PCDHA1: variants seen among roughly 807,000 people sequenced by gnomAD.
PCDHA1 encodes the protein protocadherin alpha 1.
PCDHA1 carries 42 observed loss-of-function variants against 61.3 expected under a neutral mutation model. That is an observed-to-expected ratio of 0.69 (90% CI 0.54 to 0.89). PCDHA1 has a LOEUF of 0.89. Among genes scored for constraint, PCDHA1 ranks in the 40% least tolerant of loss-of-function variants. PCDHA1 has a pLI of 0.00. For synonymous variants in PCDHA1, 610 were observed against 553.8 expected, an observed-to-expected ratio of 1.10 and a Z score of -1.43; for missense variants, 1,256 against 1,235.3, an observed-to-expected ratio of 1.02 and a Z score of -0.25.
chr5:140,992,576 G>T (rs992150186), intron 3 of PCDHA1, among the ~76,000 whole-genome samples: 4 of 152,172 alleles, frequency 2.6e-5, no homozygotes, highest in Admixed American at 2.0e-4. Flanking sequence ...CATATTGCCT[G>T]CCTTGTATGC....
intron 1 of PCDHA1, among the ~76,000 whole-genome samples, chr5:140,790,084 A>G (rs141899789): frequency 5.1e-4 from 78 of 152,358 alleles, no homozygotes; most frequent in Middle Eastern, 3.4e-3. Context: ...TGAAAAAATA[A>G]CAATAAAAGG....
At chr5:140,993,877 C>T (rs1457877493) in intron 3 of PCDHA1, among the ~76,000 whole-genome samples, 4 of 152,150 alleles carry the variant, frequency 2.6e-5, no homozygotes, top group South Asian at 2.1e-4. Context: ...TGTGTAAGTA[C>T]GCTCTATGAT....
At chr5:140,862,744 C>T in intron 1 of PCDHA1, 1 of 577,744 alleles carries the variant, frequency 1.7e-6, no homozygotes, top group South Asian at 1.4e-5. Flanking sequence ...TGTGTGGGTG[C>T]ACGCGGAGAG....
intron 1 of PCDHA1, among the ~76,000 whole-genome samples, chr5:140,915,001 AGT>A (rs1563002922): frequency 6.9e-6 from 1 of 144,988 alleles, no homozygotes; most frequent in Non-Finnish European, 1.5e-5. Flanking sequence ...GCTGGAGTGC[AGT>A]GGCCTGATCT....
intron 1 of PCDHA1, among the ~76,000 whole-genome samples, chr5:140,903,212 A>G (rs1387552422): frequency 6.6e-6 from 1 of 152,192 alleles, no homozygotes; most frequent in African/African-American, 2.4e-5. Context: ...CACCACATTC[A>G]TGCCAACATC....
intron 1 of PCDHA1, among the ~76,000 whole-genome samples, chr5:140,936,918 T>C (rs2091208385): frequency 6.6e-6 from 1 of 152,198 alleles, no homozygotes; most frequent in Non-Finnish European, 1.5e-5. Flanking sequence ...CTGTAGAAAA[T>C]ATGGGGTATA....
rs569282220 is a variant in PCDHA1, at chr5:140,788,354, C to T, written c.2064C>T (p.Gly688=). 100 of 1,613,922 alleles carry T rather than the reference C, an allele frequency of 6.2e-5. 1 individual carries two copies. In the East Asian group the frequency reaches 2.0e-3, roughly 32 times the overall value. The part of the protein sequence containing the change: ...ASSRASVGVA[G]PEAALVDVNV... ...CGCGGGCGTCGGTGGGTGTCGCGGG[C>T]CCAGAGGCGGCGCTGGTGGATGTCA... is the stretch of plus-strand genomic sequence containing the variant. The change falls in exon 1 of 4, where the codon GGC becomes GGT. Residue 688 remains glycine (G), a synonymous_variant. Coordinates refer to ENST00000504120, the MANE Select transcript of PCDHA1 (RefSeq NM_018900.4).
chr5:140,949,537 C>T (rs1359504503), intron 1 of PCDHA1, among the ~76,000 whole-genome samples: 4 of 151,692 alleles, frequency 2.6e-5, no homozygotes, highest in African/African-American at 7.3e-5. Context: ...CATAAAATAT[C>T]GATTTGTTGC....
At chr5:140,801,138 G>C in intron 1 of PCDHA1, 1 of 1,525,294 alleles carries the variant, frequency 6.6e-7, no homozygotes, top group African/African-American at 1.4e-5. Context: ...TAAGGAACTC[G>C]AATTATTTTT....
rs781789933 is a variant in PCDHA1, at chr5:140,788,125, A to C, written c.1835A>C (p.Gln612Pro). ...GYNAWLSYEL[Q>P]PAAGGARIPF... ...AACGCGTGGCTGTCCTATGAACTGC[A>C]GCCGGCAGCAGGCGGCGCGCGCATC... Residue 612 changes from glutamine (Q) to proline (P), a missense_variant, in exon 1 of 4, where the codon CAG (glutamine) becomes CCG (proline). Coordinates refer to ENST00000504120, the MANE Select transcript of PCDHA1 (RefSeq NM_018900.4). 6 of 1,613,826 alleles carry C rather than the reference A, an allele frequency of 3.7e-6. No individual in the cohort carries two copies. The highest frequency in any genetic ancestry group is 5.1e-6 in the Non-Finnish European group (6 of 1,179,916).
intron 1 of PCDHA1, chr5:140,968,462 A>G: frequency 6.2e-7 from 1 of 1,614,104 alleles, no homozygotes; most frequent in African/African-American, 1.3e-5. Flanking sequence ...TGTGACTGCC[A>G]ACGTATATGT....
intron 1 of PCDHA1, among the ~76,000 whole-genome samples, chr5:140,819,477 A>T (rs1335807902): frequency 6.6e-6 from 1 of 152,148 alleles, no homozygotes; most frequent in Non-Finnish European, 1.5e-5. Context: ...TTACACAATG[A>T]TGCTTAAACA....
intron 3 of PCDHA1, among the ~76,000 whole-genome samples, chr5:141,006,156 TA>T (rs1554260585): frequency 6.6e-6 from 1 of 151,588 alleles, no homozygotes; most frequent in East Asian, 1.9e-4. Flanking sequence ...AGGAGTGATA[TA>T]ATCTGATTTA....
chr5:140,929,330 G>T, intron 1 of PCDHA1: 1 of 1,535,218 alleles, frequency 6.5e-7, no homozygotes. Context: ...GCCATGGTAA[G>T]CAAATTTTAT....
chr5:140,951,603 T>G (rs1056623799), intron 1 of PCDHA1, among the ~76,000 whole-genome samples: 2 of 152,094 alleles, frequency 1.3e-5, no homozygotes, highest in African/African-American at 4.8e-5. Flanking sequence ...CTCACTGTTA[T>G]GAGAATAGCA....
intron 3 of PCDHA1, among the ~76,000 whole-genome samples, chr5:141,000,842 G>A (rs2097967739): frequency 1.3e-5 from 2 of 151,954 alleles, no homozygotes; most frequent in Non-Finnish European, 2.9e-5. Flanking sequence ...AGGAGATCCA[G>A]TCTGGCAGTC....
chr5:140,848,500 T>A, intron 1 of PCDHA1: 2 of 1,585,030 alleles, frequency 1.3e-6, no homozygotes, highest in Non-Finnish European at 1.7e-6. Flanking sequence ...TTTGAAATGT[T>A]ATACTCAAGT....
chr5:140,869,332 G>T (rs1554162910), intron 1 of PCDHA1: 1 of 1,613,960 alleles, frequency 6.2e-7, no homozygotes, highest in South Asian at 1.1e-5. Context: ...CCTTCTGGAG[G>T]TAAATCTGCA....
At chr5:140,967,702 C>T (rs1563368615) in intron 1 of PCDHA1, 3 of 1,614,162 alleles carry the variant, frequency 1.9e-6, no homozygotes, top group Middle Eastern at 3.3e-4. Flanking sequence ...GCATAGATGC[C>T]AGTACCGGGG....
Sources: allele counts gnomAD v4.1 joint callset (sites outside exome capture counted in the v4.1 genomes callset), GRCh38; gene constraint gnomAD v4.1.1; transcripts MANE v1.5; gene names NCBI Gene and HGNC (gene_info 2026-07-23, HGNC 2026-07-21).